The following IMMP2L variants were observed in gnomAD, a reference collection of about 807,000 sequenced individuals.
IMMP2L encodes mitochondrial inner membrane protease subunit 2.
A neutral mutation model predicts 19.3 loss-of-function variants in IMMP2L; 18 were observed. The ratio of observed to expected loss-of-function variants is 0.93; its 90% CI spans 0.64 to 1.38. The LOEUF is 1.38. Ranked by LOEUF, IMMP2L falls within the 40% of genes most tolerant of loss-of-function variation. The pLI, the probability that IMMP2L is intolerant of heterozygous loss-of-function variation, is 0.00. For synonymous variants in IMMP2L, 76 were observed against 73.0 expected (o/e 1.04, Z -0.21); for missense variants, 233 against 218.2 (o/e 1.07, Z -0.43).
At chr7:111,447,700 C>T (rs1214149041) in intron 3 of IMMP2L, among the ~76,000 whole-genome samples, 1 of 151,510 alleles carries the variant, frequency 6.6e-6, no homozygotes, top group Non-Finnish European at 1.5e-5. Context: ...CAAATTCACA[C>T]ATAACAATAT....
At chr7:111,500,037 G>C (rs1044667671) in intron 2 of IMMP2L, among the ~76,000 whole-genome samples, 1 of 152,172 alleles carries the variant, frequency 6.6e-6, no homozygotes, top group African/African-American at 2.4e-5. Context: ...CAAGGGGTCA[G>C]GGAGTTCCCT....
chr7:111,391,030 A>T (rs1180469205), intron 3 of IMMP2L, among the ~76,000 whole-genome samples: 1 of 152,180 alleles, frequency 6.6e-6, no homozygotes, highest in Non-Finnish European at 1.5e-5. Flanking sequence ...GAGAATTCTT[A>T]CACTTATTTG....
chr7:110,750,460 CAA>C (rs1797650815), intron 5 of IMMP2L, among the ~76,000 whole-genome samples: 1 of 151,922 alleles, frequency 6.6e-6, no homozygotes, highest in Non-Finnish European at 1.5e-5. Context: ...TAAATAGAAG[CAA>C]AGAGTATATT....
In IMMP2L at chr7:110,757,298, C is replaced by T. The variant is rs1052310571; in HGVS notation, c.409-93577G>A. Among the ~76,000 whole-genome samples the T allele has an allele frequency of 2.9e-5, 4 of 138,484 alleles. No homozygotes were observed. The highest frequency in any genetic ancestry group is 7.7e-5 in the Admixed American group (1 of 13,054). The allele number at this position is 138,484 out of a possible 152,430, so 90.9% of individuals were successfully genotyped here. ...GGCTTCGTATTTGGTTTAATACTCA[C>T]CATCACCATCTAGAGCTTAATAATT... On this transcript the variant is annotated intron_variant, in intron 5 of 5. Transcript: ENST00000405709. The surrounding 1 kb of genome is among the most constrained non-coding windows in gnomAD (Gnocchi z 4.2).
At chr7:111,171,240 G>A (rs1380341940) in intron 3 of IMMP2L, among the ~76,000 whole-genome samples, 1 of 151,592 alleles carries the variant, frequency 6.6e-6, no homozygotes, top group Admixed American at 6.6e-5. Context: ...GATATGTGGT[G>A]CACACCATGT....
chr7:111,396,659 A>C (rs888583081), intron 3 of IMMP2L, among the ~76,000 whole-genome samples: 6 of 152,172 alleles, frequency 3.9e-5, no homozygotes, highest in Non-Finnish European at 8.8e-5. Flanking sequence ...CAGAACTTAA[A>C]GTAAAATAAA....
chr7:111,048,260 AAAAAAGAAAAAAAGAAAAAAG>A (rs1563192309), intron 3 of IMMP2L, among the ~76,000 whole-genome samples: 15 of 149,284 alleles, frequency 1.0e-4, no homozygotes, highest in African/African-American at 3.5e-4. Context: ...AAAAAAAAAA[AAAAAAGAAAAAAAGAAAAAAG>A]AAAAAAAGAA....
At chr7:111,258,203 T>C (rs552592005) in intron 3 of IMMP2L, among the ~76,000 whole-genome samples, 17 of 152,294 alleles carry the variant, frequency 1.1e-4, no homozygotes, top group Admixed American at 9.8e-4. Context: ...TGCTTCCTGC[T>C]ACCACAAATC....
At chr7:111,052,130 C>T (rs931615284) in intron 3 of IMMP2L, among the ~76,000 whole-genome samples, 8 of 152,202 alleles carry the variant, frequency 5.3e-5, no homozygotes, top group African/African-American at 1.9e-4. Context: ...TGAAAGGAAT[C>T]AAAGTATTTT....
intron 3 of IMMP2L, among the ~76,000 whole-genome samples, chr7:111,136,081 T>G (rs1586509335): frequency 6.6e-6 from 1 of 151,672 alleles, no homozygotes; most frequent in East Asian, 1.9e-4. Flanking sequence ...CAGGCTGGAG[T>G]GCAGTGGCAT....
chr7:110,956,902 A>G (rs999804954), intron 4 of IMMP2L, among the ~76,000 whole-genome samples: 6 of 152,030 alleles, frequency 3.9e-5, no homozygotes, highest in Non-Finnish European at 7.4e-5. Context: ...GCTGGAGTTT[A>G]GTGCTTTGCA....
intron 5 of IMMP2L, among the ~76,000 whole-genome samples, chr7:110,748,976 G>C (rs529847259): frequency 1.1e-4 from 16 of 152,180 alleles, no homozygotes; most frequent in East Asian, 5.8e-4. Context: ...TACAGAATGG[G>C]AGAAAATTTT....
intron 3 of IMMP2L, among the ~76,000 whole-genome samples, chr7:111,003,605 G>A (rs980244640): frequency 6.6e-6 from 1 of 151,804 alleles, no homozygotes; most frequent in Non-Finnish European, 1.5e-5. Context: ...TCGATCTCCT[G>A]GGCTCACACA....
chr7:111,482,179 G>GACAGT (rs1842249015), intron 3 of IMMP2L, among the ~76,000 whole-genome samples: 1 of 152,194 alleles, frequency 6.6e-6, no homozygotes, highest in African/African-American at 2.4e-5. Context: ...TGCTATATTA[G>GACAGT]ACAGTACAGG....
rs912167422 is a variant in IMMP2L at position 111,508,600 on chromosome 7, C to T, written c.135+12713G>A. On this transcript the variant is annotated intron_variant, in intron 2 of 5. Transcript: ENST00000405709. ...TCCCCTATCTGAAGGCAGGGAAGTC[C>T]CCAGTGTGGCTGGGTCCAGGGCCTT... Among the ~76,000 whole-genome samples the T allele has an allele frequency of 3.9e-5, 6 of 152,074 alleles. 1 individual carries two copies. The highest frequency in any genetic ancestry group is 7.4e-5 in the Non-Finnish European group (5 of 68,022).
chr7:110,913,168 TC>T, intron 4 of IMMP2L, among the ~76,000 whole-genome samples: 1 of 152,078 alleles, frequency 6.6e-6, no homozygotes, highest in African/African-American at 2.4e-5. Flanking sequence ...GGAGCAGTTT[TC>T]CCCCTTCTAC....
chr7:110,963,628 G>A, intron 3 of IMMP2L, 63 bp from the exon 4 acceptor site: 5 of 1,022,010 alleles, frequency 4.9e-6, no homozygotes, highest in Non-Finnish European at 7.3e-6. Flanking sequence ...AAGATGAAAA[G>A]AAATTCTATA....
chr7:110,839,061 T>C (rs1804791444), intron 5 of IMMP2L, among the ~76,000 whole-genome samples: 1 of 152,106 alleles, frequency 6.6e-6, no homozygotes, highest in African/African-American at 2.4e-5. Flanking sequence ...TAACAACAAA[T>C]TTCAGTGCTA....
intron 3 of IMMP2L, among the ~76,000 whole-genome samples, chr7:111,327,959 A>C (rs1825491412): frequency 6.6e-6 from 1 of 151,772 alleles, no homozygotes; most frequent in Non-Finnish European, 1.5e-5. Flanking sequence ...TAGATATATA[A>C]TATATAAGAA....
Sources: gnomAD v4.1 joint callset for allele counts (sites outside exome capture counted in the v4.1 genomes callset) on GRCh38, gnomAD v4.1.1 for gene constraint, Gnocchi (gnomAD v3.1) non-coding constraint, MANE v1.5 for transcripts, NCBI Gene and HGNC (gene_info 2026-07-23, HGNC 2026-07-21) for gene names.